TLN2: variants seen among roughly 807,000 people sequenced by gnomAD.
TLN2 encodes the protein talin-2.
Under a neutral mutation model 294.7 loss-of-function variants are expected in TLN2, and 118 were observed. That is an observed-to-expected ratio of 0.40 (90% CI 0.34 to 0.47). The LOEUF (loss-of-function observed/expected upper bound fraction) is 0.47. Among genes scored for constraint, TLN2 ranks in the 20% least tolerant of loss-of-function variants. The probability of loss-of-function intolerance (pLI) is 0.84; values close to 1 mark genes in which losing one functional copy is unlikely to be tolerated. For synonymous variants in TLN2, 1,431 were observed against 1,304.5 expected, an observed-to-expected ratio of 1.10 and a Z score of -2.09; for missense variants, 3,083 against 3,282.2, an observed-to-expected ratio of 0.94 and a Z score of 1.48.
intron 9 of TLN2, among the ~76,000 whole-genome samples, chr15:62,666,138 T>C (rs879651923): frequency 9.2e-5 from 14 of 152,138 alleles, no homozygotes; most frequent in Non-Finnish European, 2.1e-4. Flanking sequence ...CGTGTCCTTA[T>C]ATTAAAGGAC....
intron 2 of TLN2, among the ~76,000 whole-genome samples, chr15:62,592,036 C>T (rs1318382549): frequency 6.6e-6 from 1 of 152,054 alleles, no homozygotes; most frequent in African/African-American, 2.4e-5. Context: ...ATTCTTAAGC[C>T]GTTATCTGTG....
At chr15:62,675,068 GCCTGT>G (rs2056009477) in intron 10 of TLN2, 144 bp from the exon 11 acceptor site, 2 of 684,380 alleles carry the variant, frequency 2.9e-6, no homozygotes, top group East Asian at 5.5e-5. Flanking sequence ...GTCAGCAGTT[GCCTGT>G]GTCATGGAGG....
intron 19 of TLN2, among the ~76,000 whole-genome samples, chr15:62,704,778 C>T (rs745975448): frequency 1.3e-5 from 2 of 152,190 alleles, no homozygotes; most frequent in Non-Finnish European, 2.9e-5. Flanking sequence ...ATTGTGTCCC[C>T]ATTCTAATTT....
At chr15:62,685,445 C>T (rs145075407) in intron 11 of TLN2, among the ~76,000 whole-genome samples, 2 of 152,252 alleles carry the variant, frequency 1.3e-5, no homozygotes, top group East Asian at 3.9e-4. Flanking sequence ...GGTTGAGCTT[C>T]ATGTGGCATA....
At position 62,738,369 on chromosome 15, in the gene TLN2, G is replaced by A. The variant is rs117940922; in HGVS notation, c.3687+36G>A. ...CTTAGATTGAGAAAGGACACTGGGGGACTAGGCTCGCGTTAGGTGTGAGTG... is the reference window on the plus strand; with the variant it reads ...CTTAGATTGAGAAAGGACACTGGGGAACTAGGCTCGCGTTAGGTGTGAGTG... On this transcript the variant is annotated intron_variant, in intron 30 of 58. Transcript: ENST00000636159. 142 of 1,610,934 alleles carry A rather than the reference G, an allele frequency of 8.8e-5. 1 individual carries two copies. Among genetic ancestry groups the A allele is most frequent in the East Asian group, 6.2e-4 (28 of 44,810 alleles).
intron 1 of TLN2, among the ~76,000 whole-genome samples, chr15:62,410,124 C>T (rs573278873): frequency 1.3e-5 from 2 of 152,196 alleles, no homozygotes; most frequent in African/African-American, 4.8e-5. Context: ...CGCCTGTAAT[C>T]CCAGCTACTC....
intron 1 of TLN2, among the ~76,000 whole-genome samples, chr15:62,538,076 G>A (rs1193668716): frequency 1.3e-5 from 2 of 152,238 alleles, no homozygotes; most frequent in East Asian, 3.9e-4. Context: ...ACAAAAATTA[G>A]CTGGGCATGG....
At chr15:62,559,380 T>A (rs1243970437) in intron 1 of TLN2, among the ~76,000 whole-genome samples, 1 of 152,188 alleles carries the variant, frequency 6.6e-6, no homozygotes, top group Non-Finnish European at 1.5e-5. Flanking sequence ...TGTTTCATGG[T>A]GGGATTATCA....
chr15:62,501,780 T>C (rs971476070), intron 1 of TLN2, among the ~76,000 whole-genome samples: 1 of 152,244 alleles, frequency 6.6e-6, no homozygotes, highest in African/African-American at 2.4e-5. Flanking sequence ...TAATGAAGGC[T>C]CACTGGGCTT....
rs1309653660 is a variant in TLN2 at position 62,837,552 on chromosome 15, T to TC, written c.7375-1301dup. ...AGATAGAATGCAGCATCACTCTTGT[T>TC]CCCATCATTACCGATTTAACTGGAT... On this transcript the variant is annotated intron_variant, in intron 57 of 58. Coordinates refer to ENST00000636159, the MANE Select transcript of TLN2 (RefSeq NM_015059.3). Among the ~76,000 whole-genome samples the TC allele has an allele frequency of 2.0e-5, 3 of 152,274 alleles. No individual in the cohort carries two copies. In the Middle Eastern group the frequency reaches 0.01, roughly 518 times the overall value.
intron 3 of TLN2, among the ~76,000 whole-genome samples, chr15:62,625,630 C>A (rs931514232): frequency 6.6e-6 from 1 of 152,074 alleles, no homozygotes; most frequent in Non-Finnish European, 1.5e-5. Flanking sequence ...TGGGGGAGGA[C>A]GGGAACTCCC....
At chr15:62,739,173 G>A (rs900754851) in intron 30 of TLN2, among the ~76,000 whole-genome samples, 175 bp from the exon 31 acceptor site, 1 of 152,206 alleles carries the variant, frequency 6.6e-6, no homozygotes, top group African/African-American at 2.4e-5. Context: ...ATGAATGGAT[G>A]TATATGTTGG....
chr15:62,651,953 G>A, intron 5 of TLN2, 52 bp from the exon 6 acceptor site: 1 of 1,494,434 alleles, frequency 6.7e-7, no homozygotes, highest in South Asian at 1.4e-5. Context: ...GTTCAAGTTT[G>A]TTATTTATTT....
chr15:62,530,328 GTTTA>G (rs776540984), intron 1 of TLN2, among the ~76,000 whole-genome samples: 108 of 151,270 alleles, frequency 7.1e-4, no homozygotes, highest in African/African-American at 1.4e-3. Context: ...TTGTTTGTTT[GTTTA>G]TTTATTTATT....
At chr15:62,695,990 A>G (rs950599032) in intron 14 of TLN2, among the ~76,000 whole-genome samples, 8 of 152,212 alleles carry the variant, frequency 5.3e-5, no homozygotes, top group African/African-American at 1.9e-4. Flanking sequence ...CAAGGCAAGC[A>G]GGAAGAATGG....
intron 3 of TLN2, among the ~76,000 whole-genome samples, chr15:62,646,234 C>T (rs1225534395): frequency 6.6e-6 from 1 of 151,888 alleles, no homozygotes; most frequent in African/African-American, 2.4e-5. Flanking sequence ...ATGATCTCAG[C>T]TCACTGCAAC....
chr15:62,650,295 T>C (rs956182180), intron 5 of TLN2, 114 bp downstream of exon 5: 2 of 1,030,118 alleles, frequency 1.9e-6, no homozygotes, highest in African/African-American at 1.6e-5. Context: ...AATAGTTCGA[T>C]GCATTGTACT....
rs566536673 is a variant in TLN2 at position 62,830,012 on chromosome 15, T to C, written c.7003-3492T>C. The C allele has an allele frequency of 7.2e-5, 11 of 152,340 alleles. No individual in the cohort carries two copies. In the South Asian group the frequency reaches 1.2e-3, roughly 17 times the overall value. 9.4% of individuals were successfully genotyped at this position (152,340 alleles called of 1,614,324 possible). A position where few individuals can be genotyped will look rare whatever the true frequency, so the allele number is the denominator to read the frequency against. On this transcript the variant is annotated intron_variant, in intron 54 of 58. Transcript: ENST00000636159. ...CTAAAGACTATCAATTTATCCTGTT[T>C]AATGAAATTGTTTTCTAAAGTTCCT...
chr15:62,518,044 GTT>G (rs80208271), intron 1 of TLN2, among the ~76,000 whole-genome samples: 60,389 of 148,812 alleles, frequency 0.41, 12,286 homozygotes, highest in East Asian at 0.58. Context: ...GCTAGCAGCA[GTT>G]TTTTTTTTTT....
Sources: allele counts gnomAD v4.1 joint callset (sites outside exome capture counted in the v4.1 genomes callset), GRCh38; gene constraint gnomAD v4.1.1; transcripts MANE v1.5; gene names NCBI Gene and HGNC (gene_info 2026-07-23, HGNC 2026-07-21).